Variants in IL1RAPL1 observed in about 807,000 individuals in gnomAD.
IL1RAPL1 encodes interleukin-1 receptor accessory protein-like 1.
A neutral mutation model predicts 48.4 loss-of-function variants in IL1RAPL1; 3 were observed. The observed-to-expected ratio is 0.06, with a 90% CI of 0.03 to 0.16. The LOEUF is 0.16. IL1RAPL1 is among the 10% of genes least tolerant of loss of function. The pLI, the probability that IL1RAPL1 is intolerant of heterozygous loss-of-function variation, is 1.00. For synonymous variants in IL1RAPL1, 185 were observed against 187.7 expected (o/e 0.99, Z 0.12); for missense variants, 349 against 530.6 (o/e 0.66, Z 3.36).
In IL1RAPL1 at chrX:29,436,418, G is replaced by A. The variant is rs369666519; in HGVS notation, c.703+37110G>A. Among the ~76,000 whole-genome samples the A allele has an allele frequency of 2.7e-5, 3 of 110,150 alleles. No homozygotes were observed. In the East Asian group the frequency reaches 8.5e-4, roughly 31 times the overall value. On this transcript the variant is annotated intron_variant, in intron 5 of 10. Transcript: ENST00000378993. ...TGCAGCTTTGATTTTACTAAGTACC[G>A]TGATTTTGCCTGCATTTTCAAGTAC...
intron 6 of IL1RAPL1, among the ~76,000 whole-genome samples, chrX:29,879,363 G>A (rs1163507303): frequency 4.5e-5 from 4 of 88,380 alleles, no homozygotes; most frequent in African/African-American, 6.1e-5. Context: ...ATATATGTGT[G>A]TGTGTGTGTG....
At chrX:28,614,402 A>G (rs893589170) in intron 1 of IL1RAPL1, among the ~76,000 whole-genome samples, 1 of 111,627 alleles carries the variant, frequency 9.0e-6, no homozygotes, top group Non-Finnish European at 1.9e-5. Flanking sequence ...TATTTCATTA[A>G]AACACCACAC....
intron 2 of IL1RAPL1, among the ~76,000 whole-genome samples, chrX:28,899,939 G>A (rs1027334029): frequency 2.7e-5 from 3 of 112,311 alleles, no homozygotes; most frequent in Non-Finnish European, 5.6e-5. Flanking sequence ...TAAAGGCATG[G>A]TAATTAGCAG....
At chrX:29,944,680 T>A (rs1015973859) in intron 9 of IL1RAPL1, among the ~76,000 whole-genome samples, 1 of 111,816 alleles carries the variant, frequency 8.9e-6, no homozygotes, top group Non-Finnish European at 1.9e-5. Flanking sequence ...TCTTTTACTC[T>A]TGTTTAAACC....
Position 29,176,304 on chromosome X carries a change from C to T in IL1RAPL1, c.83-106634C>T, listed in dbSNP as rs564064214. Among the ~76,000 whole-genome samples, 30 of 102,904 alleles carry T rather than the reference C, an allele frequency of 2.9e-4. No homozygotes were observed. The South Asian group carries it at 0.014, about 47-fold the overall frequency. 89.4% of individuals were successfully genotyped at this position (102,904 alleles called of 115,157 possible). A position where few individuals can be genotyped will look rare whatever the true frequency, so the allele number is the denominator to read the frequency against. On this transcript the variant is annotated intron_variant, in intron 2 of 10. Transcript: ENST00000378993. Reference sequence around the variant, plus strand: ...TTTTTTTAGTAGAGACGGGGTTTCACCGTGTTAGCCAGGATGGTCTCAATC... The same window carrying T: ...TTTTTTTAGTAGAGACGGGGTTTCATCGTGTTAGCCAGGATGGTCTCAATC...
At chrX:28,793,657 A>C (rs940639070) in intron 2 of IL1RAPL1, among the ~76,000 whole-genome samples, 10 of 111,330 alleles carry the variant, frequency 9.0e-5, no homozygotes, top group African/African-American at 3.3e-4. Context: ...ATTTGGGAGC[A>C]GGGAAATAGT....
At chrX:29,122,257 T>C (rs918338957) in intron 2 of IL1RAPL1, among the ~76,000 whole-genome samples, 41 of 111,593 alleles carry the variant, frequency 3.7e-4, no homozygotes, top group African/African-American at 1.3e-3. Context: ...AAGAGCAATG[T>C]GCATCACATG....
chrX:28,846,412 T>C (rs1447430225), intron 2 of IL1RAPL1, among the ~76,000 whole-genome samples: 4 of 111,977 alleles, frequency 3.6e-5, no homozygotes, highest in Non-Finnish European at 7.5e-5. Flanking sequence ...TATGTCAAAA[T>C]ACAGTTCCAA....
Position 29,561,907 on chromosome X carries a change from C to T in IL1RAPL1, c.704-106523C>T, listed in dbSNP as rs781289024. The stretch of plus-strand genomic sequence containing the variant: ...TTACATTAGAAAAGAACAAGGTGTT[C>T]ACCTTCTTTAATGATGTAGTTACAA... On this transcript the variant is annotated intron_variant, in intron 5 of 10. Coordinates refer to ENST00000378993, the MANE Select transcript of IL1RAPL1 (RefSeq NM_014271.4). 2.7e-5 allele frequency among the ~76,000 whole-genome samples: 3 copies of T among 111,571 alleles called. No individual in the cohort carries two copies. In the East Asian group the frequency reaches 8.5e-4, roughly 31 times the overall value.
At chrX:29,182,870 T>G in intron 2 of IL1RAPL1, among the ~76,000 whole-genome samples, 1 of 111,118 alleles carries the variant, frequency 9.0e-6, no homozygotes, top group Non-Finnish European at 1.9e-5. Flanking sequence ...ATTCACAGGG[T>G]CTTTATAAGA....
chrX:29,104,072 G>A (rs1489277928), intron 2 of IL1RAPL1, among the ~76,000 whole-genome samples: 3 of 111,409 alleles, frequency 2.7e-5, no homozygotes, highest in Non-Finnish European at 5.7e-5. Context: ...GTGGTTCCTC[G>A]AAAAACTAAA....
At chrX:29,154,583 G>A (rs1929531213) in intron 2 of IL1RAPL1, among the ~76,000 whole-genome samples, 1 of 110,637 alleles carries the variant, frequency 9.0e-6, no homozygotes, top group African/African-American at 3.3e-5. Context: ...AGTTAATCTG[G>A]AAAATTAATC....
intron 2 of IL1RAPL1, among the ~76,000 whole-genome samples, chrX:28,882,819 G>T (rs1471240182): frequency 4.5e-5 from 5 of 111,714 alleles, no homozygotes; most frequent in African/African-American, 1.6e-4. Context: ...TAAAATTTTT[G>T]ATAAAAGTGA....
At chrX:28,705,664 A>T (rs1342624411) in intron 1 of IL1RAPL1, among the ~76,000 whole-genome samples, 1 of 111,436 alleles carries the variant, frequency 9.0e-6, no homozygotes, top group Non-Finnish European at 1.9e-5. Flanking sequence ...AACAATACAA[A>T]CATCCCAATG....
At chrX:28,818,333 A>G (rs2147279856) in intron 2 of IL1RAPL1, among the ~76,000 whole-genome samples, 1 of 110,689 alleles carries the variant, frequency 9.0e-6, no homozygotes, top group East Asian at 2.9e-4. Flanking sequence ...TAGAGATGAA[A>G]TGGTAGGTGA....
At chrX:29,455,682 A>G (rs1309980497) in intron 5 of IL1RAPL1, among the ~76,000 whole-genome samples, 2 of 111,945 alleles carry the variant, frequency 1.8e-5, no homozygotes, top group Non-Finnish European at 3.8e-5. Flanking sequence ...AAGTGTTATC[A>G]CAAATACATG....
intron 1 of IL1RAPL1, among the ~76,000 whole-genome samples, chrX:28,693,810 G>A (rs1488141560): frequency 2.7e-5 from 3 of 111,569 alleles, no homozygotes; most frequent in Non-Finnish European, 5.7e-5. Context: ...CTGCTCTGTG[G>A]TTCCTCTATG....
intron 2 of IL1RAPL1, among the ~76,000 whole-genome samples, chrX:29,261,682 A>G (rs995482967): frequency 1.8e-5 from 2 of 110,798 alleles, no homozygotes; most frequent in Non-Finnish European, 3.8e-5. Flanking sequence ...ACTAACTCCC[A>G]GGCACACGGA....
intron 5 of IL1RAPL1, among the ~76,000 whole-genome samples, chrX:29,650,808 A>C (rs145360637): frequency 0.021 from 2,348 of 111,014 alleles, 60 homozygotes; most frequent in African/African-American, 0.073. Context: ...GCTTCTGCAC[A>C]GCAAAAGAAA....
Sources: allele counts gnomAD v4.1 joint callset (sites outside exome capture counted in the v4.1 genomes callset), GRCh38; gene constraint gnomAD v4.1.1; transcripts MANE v1.5; gene names NCBI Gene and HGNC (gene_info 2026-07-23, HGNC 2026-07-21).